The following VWCE variants were observed in gnomAD, a reference collection of about 807,000 sequenced individuals.
VWCE encodes von Willebrand factor C and EGF domain-containing protein.
Under a neutral mutation model 102.9 loss-of-function variants are expected in VWCE, and 68 were observed. The observed-to-expected ratio is 0.66, with a 90% confidence interval of 0.54 to 0.81. The LOEUF (loss-of-function observed/expected upper bound fraction) is 0.81. Ranked by LOEUF, VWCE falls within the 30% of genes least tolerant of loss-of-function variation. The pLI is 0.00. For missense variants in VWCE, 1,137 were observed against 1,263.6 expected, an observed-to-expected ratio of 0.90 and a Z score of 1.52; for synonymous variants, 497 against 515.4, an observed-to-expected ratio of 0.96 and a Z score of 0.48.
intron 14 of VWCE, among the ~76,000 whole-genome samples, chr11:61,270,839 T>C (rs1022310575): frequency 1.3e-5 from 2 of 151,804 alleles, no homozygotes; most frequent in Admixed American, 1.3e-4. Flanking sequence ...TTTTTTTTTT[T>C]TTTTTTGAAA....
At chr11:61,270,586 A>C (rs1436003715) in intron 14 of VWCE, among the ~76,000 whole-genome samples, 1 of 152,186 alleles carries the variant, frequency 6.6e-6, no homozygotes, top group East Asian at 1.9e-4. Context: ...CTGTGTTTGC[A>C]TTGTTGTTGA....
intron 14 of VWCE, among the ~76,000 whole-genome samples, chr11:61,270,010 C>G (rs562784960): frequency 6.6e-6 from 1 of 151,304 alleles, no homozygotes; most frequent in Non-Finnish European, 1.5e-5. Context: ...CTCCGCCTCC[C>G]GGGTTCACGC....
intron 13 of VWCE, among the ~76,000 whole-genome samples, chr11:61,272,311 C>T (rs114806493): frequency 0.015 from 2,258 of 152,160 alleles, 61 homozygotes; most frequent in African/African-American, 0.051. Flanking sequence ...GACACACACA[C>T]ACAGATACTA....
intron 19 of VWCE, among the ~76,000 whole-genome samples, chr11:61,261,863 G>C (rs1465048317): frequency 2.0e-5 from 3 of 151,976 alleles, no homozygotes; most frequent in Non-Finnish European, 4.4e-5. Flanking sequence ...ATAAAAAGTT[G>C]TTTTTCCTTA....
chr11:61,259,438 G>T, intron 19 of VWCE, 126 bp from the exon 20 acceptor site: 1 of 1,226,250 alleles, frequency 8.2e-7, no homozygotes, highest in Non-Finnish European at 1.1e-6. Flanking sequence ...ACCTGGTGAG[G>T]ACCAGCCAGC....
chr11:61,266,863 A>G lies in VWCE; in HGVS notation c.1965+599T>C, dbSNP rs75220945. 3.5e-3 allele frequency among the ~76,000 whole-genome samples: 529 copies of G among 152,310 alleles called. 5 individuals carry two copies. Among genetic ancestry groups the G allele is most frequent in the African/African-American group, 0.012 (514 of 41,558 alleles). ...TCTACTGAAAAGGTTCCAGTACTGG[A>G]TTCTGGGTTTGTGCGTTTCACCTCC... On this transcript the variant is annotated intron_variant, in intron 16 of 19. Transcript: ENST00000335613.
intron 19 of VWCE, among the ~76,000 whole-genome samples, chr11:61,261,083 G>A (rs555188164): frequency 6.6e-6 from 1 of 152,138 alleles, no homozygotes; most frequent in Non-Finnish European, 1.5e-5. Context: ...AAATTAGCAA[G>A]GTATGGTGGT....
At position 61,295,009 on chromosome 11, in the gene VWCE, G is replaced by C. The variant is rs1429264780; in HGVS notation, c.29C>G (p.Ala10Gly). 2 of 1,471,202 alleles carry C rather than the reference G, an allele frequency of 1.4e-6. No homozygotes were observed. The highest frequency in any genetic ancestry group is 1.8e-6 in the Non-Finnish European group (2 of 1,112,362). 91.1% of individuals were successfully genotyped at this position (1,471,202 alleles called of 1,614,324 possible). A position where few individuals can be genotyped will look rare whatever the true frequency, so the allele number is the denominator to read the frequency against. The change falls in exon 1 of 20, where the codon GCC (alanine) becomes GGC (glycine). Residue 10 changes from alanine to glycine, a missense_variant. Physicochemically the swap from Ala to Gly is moderately conservative, Grantham distance 60. Transcript: ENST00000335613. This position sits in a 1 kb window ranked among gnomAD's most constrained non-coding sequence, Gnocchi z 4.6. Reference sequence around the variant, plus strand: ...CCCCGGCAGCAGGAGCGCGACACAGGCGGCCCGAAGGAGCAGTCCGGCCCA... The same window carrying C: ...CCCCGGCAGCAGGAGCGCGACACAGCCGGCCCGAAGGAGCAGTCCGGCCCA... MWAGLLLRA[A>G]CVALLLPGAP... is the part of the protein sequence containing the mutation.
intron 16 of VWCE, among the ~76,000 whole-genome samples, chr11:61,265,625 G>A (rs1308824901): frequency 6.6e-6 from 1 of 152,192 alleles, no homozygotes; most frequent in Admixed American, 6.5e-5. Context: ...CAATCTTTCT[G>A]CAGACCGTGT....
At chr11:61,266,362 C>T (rs1021254053) in intron 16 of VWCE, among the ~76,000 whole-genome samples, 1 of 152,044 alleles carries the variant, frequency 6.6e-6, no homozygotes, top group African/African-American at 2.4e-5. Context: ...CAATACAACA[C>T]GACCCCATCT....
chr11:61,268,791 T>A, intron 15 of VWCE, 131 bp downstream of exon 15: 1 of 860,510 alleles, frequency 1.2e-6, no homozygotes, highest in African/African-American at 1.7e-5. Context: ...TACCTCAGTT[T>A]CCTTATCTGT....
At position 61,259,195 on chromosome 11, in the gene VWCE, C is replaced by G; in HGVS notation, c.2348G>C (p.Cys783Ser). ...GGGTGATGCTGTCGGGGGCCCAGGA[C>G]AGGAGCTACAGTTGACAGGGGCCTC... ...DTEAPVNCSS[C>S]PGPPTASPSR... Residue 783 changes from cysteine to serine, a missense_variant, in exon 20 of 20, where the codon TGT (cysteine) becomes TCT (serine). Coordinates refer to ENST00000335613, the MANE Select transcript of VWCE (RefSeq NM_152718.2). 1 of 1,614,194 alleles carries G rather than the reference C, an allele frequency of 6.2e-7. No homozygotes were observed. The highest frequency in any genetic ancestry group is 2.2e-5 in the East Asian group (1 of 44,882).
chr11:61,287,685 A>G (rs908471826), intron 4 of VWCE, among the ~76,000 whole-genome samples: 1 of 152,164 alleles, frequency 6.6e-6, no homozygotes, highest in African/African-American at 2.4e-5. Context: ...CATGCCCTGG[A>G]AGAGCGACTG....
At position 61,286,870 on chromosome 11, in the gene VWCE, G is replaced by C. The variant is rs1014152089; in HGVS notation, c.425-440C>G. Among the ~76,000 whole-genome samples the C allele has an allele frequency of 6.6e-5, 10 of 151,908 alleles. No individual in the cohort carries two copies. In the East Asian group the frequency reaches 1.9e-3, roughly 30 times the overall value. ...CCCAGCTCATTGGGAGGCTGAGGCG[G>C]GCAGATCACGAGGTCAGGAGATCAA... On this transcript the variant is annotated intron_variant, in intron 4 of 19. Transcript: ENST00000335613.
At chr11:61,269,558 G>T (rs185650204) in intron 14 of VWCE, 210 of 154,508 alleles carry the variant, frequency 1.4e-3, no homozygotes, top group Admixed American at 2.6e-3. Flanking sequence ...TGGTTCTCCT[G>T]CCTCAGCCTC....
chr11:61,259,093 G>C lies in VWCE; in HGVS notation c.2450C>G (p.Pro817Arg). Reference protein sequence around the residue: ...LMKTQTLPTSPAGAHGPHSLA... With the variant: ...LMKTQTLPTSRAGAHGPHSLA... Reference sequence around the variant, plus strand: ...TGAGTGTGGACCATGAGCTCCTGCCGGGCTTGTAGGTAAAGTCTGTGTTTT... The same window carrying C: ...TGAGTGTGGACCATGAGCTCCTGCCCGGCTTGTAGGTAAAGTCTGTGTTTT... The change falls in exon 20 of 20, where the codon CCG (proline) becomes CGG (arginine). Residue 817 changes from proline to arginine, a missense_variant. This residue lies in a region of VWCE where 316 missense variants were observed against 319.3 expected (regional missense o/e 0.99). Transcript: ENST00000335613. 1 of 1,614,008 alleles carries C rather than the reference G, an allele frequency of 6.2e-7. No individual in the cohort carries two copies. The highest frequency in any genetic ancestry group is 1.3e-5 in the African/African-American group (1 of 75,006).
intron 13 of VWCE, among the ~76,000 whole-genome samples, chr11:61,272,243 A>G (rs1287223351): frequency 6.6e-6 from 1 of 152,054 alleles, no homozygotes; most frequent in African/African-American, 2.4e-5. Flanking sequence ...ACACACAGAT[A>G]CAACTCACAC....
At chr11:61,274,799 T>C (rs1375736269) in intron 11 of VWCE, among the ~76,000 whole-genome samples, 1 of 152,188 alleles carries the variant, frequency 6.6e-6, no homozygotes, top group African/African-American at 2.4e-5. Flanking sequence ...TGGCAGTTCA[T>C]GTCTGTAATC....
intron 19 of VWCE, among the ~76,000 whole-genome samples, chr11:61,260,690 G>C (rs960438145): frequency 5.9e-5 from 9 of 152,082 alleles, no homozygotes; most frequent in African/African-American, 2.2e-4. Flanking sequence ...GCCCACAGTT[G>C]GGCAAAATCA....
Sources: gnomAD v4.1 joint callset for allele counts (sites outside exome capture counted in the v4.1 genomes callset) on GRCh38, gnomAD v4.1.1 for gene constraint, gnomAD v4.1.1 regional missense constraint, Gnocchi (gnomAD v3.1) non-coding constraint, MANE v1.5 for transcripts, NCBI Gene and HGNC (gene_info 2026-07-23, HGNC 2026-07-21) for gene names.